Variants in ATP6V0A2 observed in about 807,000 individuals in gnomAD.
ATP6V0A2 encodes ATPase H+ transporting V0 subunit a2.
A neutral mutation model predicts 104.4 loss-of-function variants in ATP6V0A2; 58 were observed. The ratio of observed to expected loss-of-function variants is 0.56; its 90% CI spans 0.45 to 0.69. The LOEUF (loss-of-function observed/expected upper bound fraction) is 0.69. ATP6V0A2 is among the 30% of genes least tolerant of loss of function. The pLI, the probability that ATP6V0A2 is intolerant of heterozygous loss-of-function variation, is 0.00. For synonymous variants in ATP6V0A2, 376 were observed against 397.9 expected (o/e 0.95, Z 0.65); for missense variants, 938 against 1,062.9 (o/e 0.88, Z 1.63).
chr12:123,748,436 A>G (rs1250617442), intron 14 of ATP6V0A2, 139 bp from the exon 15 acceptor site: 1 of 753,090 alleles, frequency 1.3e-6, no homozygotes, highest in East Asian at 2.6e-5. Context: ...CTGGACACTC[A>G]GATGTATCTG....
chr12:123,712,480 C>T lies in ATP6V0A2; in HGVS notation c.-86C>T, dbSNP rs1237419238. 13 of 840,062 alleles carry T rather than the reference C, an allele frequency of 1.5e-5. No homozygotes were observed. Among genetic ancestry groups the T allele is most frequent in the East Asian group, 3.4e-5 (1 of 29,752 alleles). 52.0% of individuals were successfully genotyped at this position (840,062 alleles called of 1,614,324 possible). A position where few individuals can be genotyped will look rare whatever the true frequency, so the allele number is the denominator to read the frequency against. Reference sequence around the variant, plus strand: ...CAGGCCACAGGAAGAGCTCGAGGCCCGGGCCGCACCGGCTGAGTGTGCGGG... The same window carrying T: ...CAGGCCACAGGAAGAGCTCGAGGCCTGGGCCGCACCGGCTGAGTGTGCGGG... On this transcript the variant is annotated 5_prime_UTR_variant, in exon 1 of 20. Coordinates refer to ENST00000330342, the MANE Select transcript of ATP6V0A2 (RefSeq NM_012463.4).
intron 8 of ATP6V0A2, among the ~76,000 whole-genome samples, chr12:123,736,060 A>ACAGAGTTTCGC (rs1174357664): frequency 1.3e-5 from 2 of 151,718 alleles, no homozygotes; most frequent in Non-Finnish European, 2.9e-5. Flanking sequence ...TTTAGTAGAG[A>ACAGAGTTTCGC]CAGAGTTTCG....
chr12:123,752,617 C>T (rs932565850), intron 17 of ATP6V0A2, among the ~76,000 whole-genome samples: 9 of 152,150 alleles, frequency 5.9e-5, no homozygotes, highest in African/African-American at 1.9e-4. Flanking sequence ...CCTTTCACTT[C>T]GCCAGTGGGA....
In ATP6V0A2 at chr12:123,719,713, A is replaced by G. The variant is rs1469735675; in HGVS notation, c.196+1012A>G. On this transcript the variant is annotated intron_variant, in intron 2 of 19. Transcript: ENST00000330342. The stretch of plus-strand genomic sequence containing the variant: ...ACCCCTCCCCCTGAGCCCCTTTAAC[A>G]TTTCTAAGCCCTTATCTAGGTGCCC... Among the ~76,000 whole-genome samples, 5 of 151,472 alleles carry G rather than the reference A, an allele frequency of 3.3e-5. No individual in the cohort carries two copies. The South Asian group carries it at 8.3e-4, about 25-fold the overall frequency.
At chr12:123,726,550 C>T (rs966690028) in intron 5 of ATP6V0A2, among the ~76,000 whole-genome samples, 1 of 152,186 alleles carries the variant, frequency 6.6e-6, no homozygotes, top group Non-Finnish European at 1.5e-5. Context: ...AGTGTTACTT[C>T]TATAAGCCTA....
In ATP6V0A2 at chr12:123,743,803, A is replaced by G. The variant is rs374873455; in HGVS notation, c.1057A>G (p.Ile353Val). ...GTGGAAGAGAGAGAGTGGTGCTACA[A>G]TCCCCTCATTCATGAATATAATCCC... ...EEGSRESGAT[I>V]PSFMNIIPTK... Residue 353 changes from isoleucine to valine, a missense_variant, in exon 10 of 20, where the codon ATC (isoleucine) becomes GTC (valine). By Grantham distance (29) the Ile-to-Val change is conservative (BLOSUM62 3). Coordinates refer to ENST00000330342, the MANE Select transcript of ATP6V0A2 (RefSeq NM_012463.4). The G allele has an allele frequency of 1.2e-5, 20 of 1,614,012 alleles. No homozygotes were observed. Among genetic ancestry groups the G allele is most frequent in the East Asian group, 8.9e-5 (4 of 44,888 alleles).
chr12:123,720,837 C>T (rs1012301441), intron 2 of ATP6V0A2, among the ~76,000 whole-genome samples: 5 of 151,512 alleles, frequency 3.3e-5, no homozygotes, highest in Non-Finnish European at 7.4e-5. Context: ...TCAAGGCTAG[C>T]GTGGGCAACA....
rs1015438605 is a variant in ATP6V0A2 at position 123,756,638 on chromosome 12, G to A, written c.2294-177G>A. 40 of 633,084 alleles carry A rather than the reference G, an allele frequency of 6.3e-5. 1 individual carries two copies. Among genetic ancestry groups the A allele is most frequent in the African/African-American group, 5.5e-5 (3 of 54,560 alleles). The allele number at this position is 633,084 out of a possible 1,614,324, so 39.2% of individuals were successfully genotyped here. A position where few individuals can be genotyped will look rare whatever the true frequency, so the allele number is the denominator to read the frequency against. On this transcript the variant is annotated intron_variant, in intron 18 of 19. Coordinates refer to ENST00000330342, the MANE Select transcript of ATP6V0A2 (RefSeq NM_012463.4). The stretch of plus-strand genomic sequence containing the variant: ...CAGGTCTTCCTTAGTGTTTGAGACC[G>A]TCTCGGAGCTGACTGGCTTTCACAT...
chr12:123,731,967 T>TA (rs2135895683), intron 6 of ATP6V0A2: 1 of 152,352 alleles, frequency 6.6e-6, no homozygotes, highest in African/African-American at 2.4e-5. Flanking sequence ...TTTATGATTT[T>TA]AAGTACCATG....
rs1566278082 is a variant in ATP6V0A2, at chr12:123,727,859, A to G, written c.598A>G (p.Thr200Ala). 16 of 1,614,226 alleles carry G rather than the reference A, an allele frequency of 9.9e-6. No homozygotes were observed. Among genetic ancestry groups the G allele is most frequent in the Non-Finnish European group, 1.4e-5 (16 of 1,180,028 alleles). ...GTTGTGGAGAGTCTGCAAAGGGTAC[A>G]CCATCGTGTCCTATGCAGAACTGGA... ...KMLWRVCKGY[T>A]IVSYAELDES... is the part of the protein sequence containing the mutation. The change falls in exon 6 of 20, where the codon ACC becomes GCC. Residue 200 changes from threonine (T) to alanine (A), a missense_variant. Transcript: ENST00000330342.
rs1956684530 is a variant in ATP6V0A2, at chr12:123,748,559, T to G, written c.1725-16T>G. The G allele has an allele frequency of 6.3e-7, 1 of 1,595,352 alleles. No homozygotes were observed. The highest frequency in any genetic ancestry group is 1.3e-5 in the African/African-American group (1 of 74,538). On this transcript the variant is annotated splice_polypyrimidine_tract_variant and intron_variant, in intron 14 of 19. Coordinates refer to ENST00000330342, the MANE Select transcript of ATP6V0A2 (RefSeq NM_012463.4). ...TGATCTTGTTCGTGGGTTGATTGAT[T>G]CCTTTTCTTTCCTAGGCACTTCAGG...
intron 8 of ATP6V0A2, among the ~76,000 whole-genome samples, chr12:123,736,238 G>C (rs1294115412): frequency 6.4e-5 from 9 of 140,540 alleles, no homozygotes; most frequent in African/African-American, 2.4e-4. Flanking sequence ...TGCCAGGCTG[G>C]AGTGCAGTGG....
Position 123,712,667 on chromosome 12 carries a change from G to T in ATP6V0A2, c.102G>T (p.Leu34=), listed in dbSNP as rs1323132386. 1.9e-6 allele frequency: 3 copies of T among 1,610,122 alleles called. No individual in the cohort carries two copies. The highest frequency in any genetic ancestry group is 1.3e-5 in the African/African-American group (1 of 74,876). ...ECLSALGEKG[L]VQFRDLNQNV... The stretch of plus-strand genomic sequence containing the variant: ...TCAGCGCCCTGGGCGAGAAAGGCCT[G>T]GTCCAGTTCCGAGACGTGAGTGTCG... The change falls in exon 1 of 20, where the codon CTG becomes CTT. Residue 34 remains leucine, a synonymous_variant. Coordinates refer to ENST00000330342, the MANE Select transcript of ATP6V0A2 (RefSeq NM_012463.4).
intron 1 of ATP6V0A2, among the ~76,000 whole-genome samples, chr12:123,718,039 C>T (rs1353833211): frequency 2.0e-5 from 3 of 151,940 alleles, no homozygotes; most frequent in African/African-American, 7.2e-5. Flanking sequence ...ATTCTCGTGC[C>T]TCAGCCTTCC....
At position 123,747,589 on chromosome 12, in the gene ATP6V0A2, T is replaced by G; in HGVS notation, c.1606-18T>G. The G allele has an allele frequency of 8.0e-6, 12 of 1,503,634 alleles. No homozygotes were observed. The highest frequency in any genetic ancestry group is 1.1e-5 in the Non-Finnish European group (12 of 1,079,362). The allele number at this position is 1,503,634 out of a possible 1,614,324, so 93.1% of individuals were successfully genotyped here. ...GGAAGTTAAAGATTCTGTTTTGTCT[T>G]GTTTGGTTTGGTTTTAGATTTGGAA... On this transcript the variant is annotated intron_variant, in intron 13 of 19. Transcript: ENST00000330342.
intron 18 of ATP6V0A2, chr12:123,754,744 GTC>G (rs1334355107): frequency 1.7e-6 from 1 of 586,030 alleles, no homozygotes. Context: ...CACAGAGGGA[GTC>G]TCTCTGAGGC....
chr12:123,737,598 G>A, intron 9 of ATP6V0A2: 1 of 356,632 alleles, frequency 2.8e-6, no homozygotes, highest in Non-Finnish European at 5.4e-6. Context: ...ATTCAAAGCT[G>A]TATGTGAGTA....
Position 123,735,642 on chromosome 12 carries a change from G to A in ATP6V0A2, c.825+18G>A, listed in dbSNP as rs1956545945. ...TCTACACTGTGAGTAAGCTGGAAGTGGATTGCCTCTTTATCTGAGGGCTGC... is the reference window on the plus strand; with the variant it reads ...TCTACACTGTGAGTAAGCTGGAAGTAGATTGCCTCTTTATCTGAGGGCTGC... On this transcript the variant is annotated intron_variant, in intron 8 of 19. Transcript: ENST00000330342. 6.3e-7 allele frequency: 1 copy of A among 1,594,636 alleles called. No individual in the cohort carries two copies. Among genetic ancestry groups the A allele is most frequent in the Non-Finnish European group, 8.6e-7 (1 of 1,162,542 alleles).
At chr12:123,733,750 T>G in intron 6 of ATP6V0A2, 176 bp from the exon 7 acceptor site, 14 of 604,334 alleles carry the variant, frequency 2.3e-5, no homozygotes, top group East Asian at 5.7e-5. Flanking sequence ...GCTCCGTGGA[T>G]TGGTTTGGGG....
Sources: gnomAD v4.1 joint callset for allele counts (sites outside exome capture counted in the v4.1 genomes callset) on GRCh38, gnomAD v4.1.1 for gene constraint, MANE v1.5 for transcripts, NCBI Gene and HGNC (gene_info 2026-07-23, HGNC 2026-07-21) for gene names.